The following TBC1D4 variants were observed in gnomAD, a reference collection of about 807,000 sequenced individuals.
TBC1D4 encodes TBC (Tre-2, BUB2, CDC16) domain-containing protein.
A neutral mutation model predicts 142.5 loss-of-function variants in TBC1D4; 121 were observed. That is an observed-to-expected ratio of 0.85 (90% CI 0.73 to 0.99). The LOEUF (loss-of-function observed/expected upper bound fraction) is 0.99, where lower values mean the gene tolerates loss of function less well. TBC1D4 is among the 50% of genes least tolerant of loss of function. The pLI, the probability that TBC1D4 is intolerant of heterozygous loss-of-function variation, is 0.00. For missense variants in TBC1D4, 1,475 were observed against 1,606.6 expected (o/e 0.92, Z 1.40); for synonymous variants, 630 against 628.2 (o/e 1.00, Z -0.04).
chr13:75,426,646 T>C (rs577900996), intron 1 of TBC1D4, among the ~76,000 whole-genome samples: 1 of 152,192 alleles, frequency 6.6e-6, no homozygotes, highest in African/African-American at 2.4e-5. Context: ...AGCAATCTTG[T>C]GCAATCCCTT....
chr13:75,402,283 G>A (rs1157469999), intron 1 of TBC1D4, among the ~76,000 whole-genome samples: 1 of 152,152 alleles, frequency 6.6e-6, no homozygotes, highest in Non-Finnish European at 1.5e-5. Flanking sequence ...ACAACAAGGT[G>A]TCAAAGTAAT....
intron 8 of TBC1D4, among the ~76,000 whole-genome samples, chr13:75,330,435 G>A (rs1029524892): frequency 5.3e-5 from 8 of 152,092 alleles, no homozygotes; most frequent in South Asian, 2.1e-4. Context: ...ATTATTGAAC[G>A]CTTATCATGT....
chr13:75,450,812 C>T (rs934112672), intron 1 of TBC1D4, among the ~76,000 whole-genome samples: 3 of 152,216 alleles, frequency 2.0e-5, no homozygotes, highest in African/African-American at 7.2e-5. Flanking sequence ...GTCTTTCTAG[C>T]TTGGCCATTC....
chr13:75,481,223 T>TC, intron 1 of TBC1D4, 47 bp downstream of exon 1: 1 of 911,056 alleles, frequency 1.1e-6, no homozygotes, highest in Non-Finnish European at 1.7e-6. Flanking sequence ...TGCTCCCCGA[T>TC]CCCCCAAGGC....
At chr13:75,479,870 A>G (rs759644813) in intron 1 of TBC1D4, among the ~76,000 whole-genome samples, 56 of 152,322 alleles carry the variant, frequency 3.7e-4, no homozygotes, top group Non-Finnish European at 6.6e-4. Flanking sequence ...TATGCCATAA[A>G]CATAACTTCA....
Position 75,356,210 on chromosome 13 carries a change from CT to C in TBC1D4, c.1211del (p.Glu404GlyfsTer26). 1.2e-6 allele frequency: 2 copies of C among 1,613,822 alleles called. No homozygotes were observed. Among genetic ancestry groups the C allele is most frequent in the Non-Finnish European group, 1.7e-6 (2 of 1,179,814 alleles). ...ACTGGCTAAGTCCAGGCTCTGGAGA[CT>C]CCCGGCAGATAAAGCCAAAGTGATC... is the stretch of plus-strand genomic sequence containing the variant. ...HVDHFGFICR[E>X]SPEPGLSQYI... On this transcript the variant is annotated frameshift_variant, in exon 4 of 21. Transcript: ENST00000377636. LOFTEE classifies it high-confidence loss of function.
chr13:75,383,114 G>A (rs1413118682), intron 1 of TBC1D4, among the ~76,000 whole-genome samples: 1 of 152,186 alleles, frequency 6.6e-6, no homozygotes, highest in Non-Finnish European at 1.5e-5. Flanking sequence ...TTGAGGCCAG[G>A]AGTTTGAGAC....
intron 1 of TBC1D4, among the ~76,000 whole-genome samples, chr13:75,417,249 G>A (rs976543816): frequency 6.6e-6 from 1 of 152,084 alleles, no homozygotes; most frequent in East Asian, 1.9e-4. Context: ...ACTTGCCCTA[G>A]ACACGTCACC....
At chr13:75,327,560 A>G (rs1879370829) in intron 9 of TBC1D4, among the ~76,000 whole-genome samples, 192 bp downstream of exon 9, 1 of 152,252 alleles carries the variant, frequency 6.6e-6, no homozygotes, top group Non-Finnish European at 1.5e-5. Context: ...AACAGAGCAC[A>G]GTTAGCCTGT....
At chr13:75,302,988 T>C (rs1430324886) in intron 15 of TBC1D4, among the ~76,000 whole-genome samples, 1 of 152,180 alleles carries the variant, frequency 6.6e-6, no homozygotes, top group Non-Finnish European at 1.5e-5. Context: ...AACTTTATAA[T>C]AGAGAATCAA....
intron 1 of TBC1D4, among the ~76,000 whole-genome samples, chr13:75,385,128 C>T (rs1211804085): frequency 1.3e-5 from 2 of 152,172 alleles, no homozygotes. Context: ...AAACTTCCCT[C>T]CATGGCCCTT....
intron 1 of TBC1D4, among the ~76,000 whole-genome samples, chr13:75,374,482 G>A (rs1412725529): frequency 6.6e-6 from 1 of 151,966 alleles, no homozygotes; most frequent in Non-Finnish European, 1.5e-5. Context: ...ATTTTTCAGG[G>A]CATAATAGCC....
intron 1 of TBC1D4, among the ~76,000 whole-genome samples, chr13:75,477,527 T>C (rs1888670323): frequency 6.6e-6 from 1 of 152,178 alleles, no homozygotes; most frequent in East Asian, 1.9e-4. Flanking sequence ...TTATAAAACA[T>C]AATGATGCTT....
intron 4 of TBC1D4, among the ~76,000 whole-genome samples, chr13:75,352,351 C>G (rs1881668287): frequency 6.6e-6 from 1 of 152,032 alleles, no homozygotes; most frequent in East Asian, 1.9e-4. Context: ...TAACTATTAA[C>G]CCCATACAAA....
chr13:75,390,357 C>G (rs1304328090), intron 1 of TBC1D4, among the ~76,000 whole-genome samples: 1 of 150,910 alleles, frequency 6.6e-6, no homozygotes, highest in East Asian at 1.9e-4. Flanking sequence ...TCTCAATGGT[C>G]AAGAGGTCTG....
In TBC1D4 at chr13:75,356,195, T is replaced by C. The variant is rs758138714; in HGVS notation, c.1227A>G (p.Gly409=). Residue 409 remains glycine, a synonymous_variant, in exon 4 of 21, where the codon GGA becomes GGG. Coordinates refer to ENST00000377636, the MANE Select transcript of TBC1D4 (RefSeq NM_014832.5). ...GFICRESPEP[G]LSQYICYVFQ... is the part of the protein sequence containing the mutation. ...ATACATAACAAATATACTGGCTAAG[T>C]CCAGGCTCTGGAGACTCCCGGCAGA... The C allele has an allele frequency of 4.3e-6, 7 of 1,613,688 alleles. No individual in the cohort carries two copies.
At chr13:75,448,413 C>T (rs1000193939) in intron 1 of TBC1D4, among the ~76,000 whole-genome samples, 3 of 151,788 alleles carry the variant, frequency 2.0e-5, no homozygotes, top group Non-Finnish European at 4.4e-5. Flanking sequence ...ACTAAAAATA[C>T]AAAAAATTAG....
At chr13:75,458,065 A>G (rs1288566186) in intron 1 of TBC1D4, among the ~76,000 whole-genome samples, 2 of 151,894 alleles carry the variant, frequency 1.3e-5, no homozygotes, top group African/African-American at 4.8e-5. Flanking sequence ...CCCAGTGGAG[A>G]GTTGGGGTGA....
intron 1 of TBC1D4, among the ~76,000 whole-genome samples, chr13:75,431,223 TTA>T (rs1886580159): frequency 6.6e-6 from 1 of 152,238 alleles, no homozygotes; most frequent in Non-Finnish European, 1.5e-5. Context: ...CAAATTATCA[TTA>T]TGAACAACCT....
Sources: gnomAD v4.1 joint callset for allele counts (sites outside exome capture counted in the v4.1 genomes callset) on GRCh38, gnomAD v4.1.1 for gene constraint, MANE v1.5 for transcripts, NCBI Gene and HGNC (gene_info 2026-07-23, HGNC 2026-07-21) for gene names.